Variants in TMEM178B observed in about 807,000 individuals in gnomAD.
TMEM178B encodes the protein transmembrane protein 178B.
In TMEM178B, 5 loss-of-function variants were observed where a neutral mutation model predicts 31.0. The observed-to-expected ratio is 0.16, with a 90% confidence interval of 0.08 to 0.34. The LOEUF is 0.34. Ranked by LOEUF, TMEM178B falls within the 10% of genes least tolerant of loss-of-function variation. The pLI is 1.00. For synonymous variants in TMEM178B, 164 were observed against 164.0 expected (o/e 1.00, Z 0.00); for missense variants, 275 against 400.3 (o/e 0.69, Z 2.67).
intron 2 of TMEM178B, among the ~76,000 whole-genome samples, chr7:141,418,694 T>C (rs374410970): frequency 4.6e-4 from 70 of 152,320 alleles, no homozygotes; most frequent in African/African-American, 1.6e-3. Flanking sequence ...TCTCACTTTA[T>C]GTTCCATCTC....
At chr7:141,167,546 C>T (rs927561493) in intron 1 of TMEM178B, among the ~76,000 whole-genome samples, 1 of 152,200 alleles carries the variant, frequency 6.6e-6, no homozygotes, top group Admixed American at 6.5e-5. Context: ...GTACAAAGGG[C>T]CTGGATCTAT....
chr7:141,429,423 A>G (rs557364274), intron 2 of TMEM178B, among the ~76,000 whole-genome samples: 1 of 152,342 alleles, frequency 6.6e-6, no homozygotes, highest in African/African-American at 2.4e-5. Flanking sequence ...GGAGGACACT[A>G]TGCTAAGTCA....
chr7:141,212,436 G>A (rs887822133), intron 1 of TMEM178B, among the ~76,000 whole-genome samples, 155 bp from the exon 2 acceptor site: 1 of 152,056 alleles, frequency 6.6e-6, no homozygotes, highest in Non-Finnish European at 1.5e-5. Flanking sequence ...CTACTCTCTT[G>A]CTCTTTTTGA....
intron 2 of TMEM178B, among the ~76,000 whole-genome samples, chr7:141,322,247 C>T (rs1799112544): frequency 6.6e-6 from 1 of 151,912 alleles, no homozygotes; most frequent in Non-Finnish European, 1.5e-5. Flanking sequence ...AAAGAGTAGG[C>T]AGGGCCTGGT....
intron 2 of TMEM178B, among the ~76,000 whole-genome samples, chr7:141,404,779 A>G (rs1398796242): frequency 6.6e-6 from 1 of 152,196 alleles, no homozygotes; most frequent in Non-Finnish European, 1.5e-5. Context: ...TTTTATGTAT[A>G]AGGAAATTGG....
intron 1 of TMEM178B, among the ~76,000 whole-genome samples, chr7:141,146,614 A>G (rs1489969091): frequency 3.9e-5 from 6 of 152,186 alleles, no homozygotes; most frequent in Non-Finnish European, 8.8e-5. Flanking sequence ...CTATATAACA[A>G]CCACTATCAT....
intron 2 of TMEM178B, among the ~76,000 whole-genome samples, chr7:141,297,349 T>TTTA (rs1371218365): frequency 2.0e-5 from 3 of 152,214 alleles, no homozygotes; most frequent in East Asian, 3.9e-4. Context: ...TGGTGCTTCT[T>TTTA]TTATTATTAT....
chr7:141,495,733 C>T, the TMEM178B span, among the ~76,000 whole-genome samples: 1 of 152,148 alleles, frequency 6.6e-6, no homozygotes, highest in East Asian at 1.9e-4. Context: ...ACCATATAGT[C>T]ACTAAAACAA....
At chr7:141,088,814 G>A (rs1794830583) in intron 1 of TMEM178B, among the ~76,000 whole-genome samples, 2 of 151,526 alleles carry the variant, frequency 1.3e-5, no homozygotes, top group Non-Finnish European at 2.9e-5. Context: ...GAGGCTTTAA[G>A]AAAAAAAATA....
At chr7:141,391,543 A>T (rs1395149016) in intron 2 of TMEM178B, among the ~76,000 whole-genome samples, 1 of 152,084 alleles carries the variant, frequency 6.6e-6, no homozygotes, top group Non-Finnish European at 1.5e-5. Context: ...TATACATAAG[A>T]TTTACCCTTT....
intron 1 of TMEM178B, among the ~76,000 whole-genome samples, chr7:141,120,336 T>A (rs1243317052): frequency 6.6e-6 from 1 of 152,154 alleles, no homozygotes; most frequent in Non-Finnish European, 1.5e-5. Flanking sequence ...GTTAGTTTTT[T>A]AAAAAATGGT....
chr7:141,150,260 T>G (rs1471041859), intron 1 of TMEM178B, among the ~76,000 whole-genome samples: 1 of 152,204 alleles, frequency 6.6e-6, no homozygotes, highest in African/African-American at 2.4e-5. Flanking sequence ...TGAACGGCCT[T>G]GAAACATCCT....
intron 1 of TMEM178B, among the ~76,000 whole-genome samples, chr7:141,105,874 C>A (rs1007394052): frequency 4.6e-5 from 7 of 151,794 alleles, no homozygotes; most frequent in African/African-American, 1.7e-4. Flanking sequence ...GTGGGTGGAT[C>A]CCTTGAGCTC....
chr7:141,284,053 T>A (rs2116405365), intron 2 of TMEM178B, among the ~76,000 whole-genome samples: 1 of 152,344 alleles, frequency 6.6e-6, no homozygotes, highest in South Asian at 2.1e-4. Context: ...CTGCTACTTA[T>A]TAAGGCTTGG....
intron 2 of TMEM178B, among the ~76,000 whole-genome samples, chr7:141,240,232 T>TA: frequency 6.6e-6 from 1 of 152,278 alleles, no homozygotes; most frequent in South Asian, 2.1e-4. Flanking sequence ...TCCTCCCATT[T>TA]AAAAAAATGA....
intron 2 of TMEM178B, among the ~76,000 whole-genome samples, chr7:141,282,447 A>G (rs1432433795): frequency 6.6e-6 from 1 of 152,352 alleles, no homozygotes; most frequent in East Asian, 1.9e-4. Flanking sequence ...CCACCTGCCT[A>G]TAATCAGTAG....
At chr7:141,125,786 G>T (rs185701191) in intron 1 of TMEM178B, among the ~76,000 whole-genome samples, 2 of 152,174 alleles carry the variant, frequency 1.3e-5, no homozygotes, top group Non-Finnish European at 2.9e-5. Flanking sequence ...ATTGCAGTTG[G>T]CATTTGCAAC....
chr7:141,353,154 C>T (rs375559754), intron 2 of TMEM178B, among the ~76,000 whole-genome samples: 21 of 152,236 alleles, frequency 1.4e-4, no homozygotes, highest in African/African-American at 5.1e-4. Flanking sequence ...ACCCTTCTTG[C>T]TGGTCTCCTC....
intron 3 of TMEM178B, among the ~76,000 whole-genome samples, chr7:141,466,381 C>T (rs762522778): frequency 2.6e-5 from 4 of 152,158 alleles, no homozygotes; most frequent in East Asian, 1.9e-4. Context: ...TAGGTCCACC[C>T]GGACCTTATC....
Sources: allele counts gnomAD v4.1 joint callset (sites outside exome capture counted in the v4.1 genomes callset), GRCh38; gene constraint gnomAD v4.1.1; transcripts MANE v1.5; gene names NCBI Gene and HGNC (gene_info 2026-07-23, HGNC 2026-07-21).